NFIB: variants seen among roughly 807,000 people sequenced by gnomAD.
NFIB encodes the protein nuclear factor 1 B-type.
In NFIB, 11 loss-of-function variants were observed where a neutral mutation model predicts 61.5. The ratio of observed to expected loss-of-function variants is 0.18; its 90% confidence interval spans 0.11 to 0.30. NFIB has a LOEUF of 0.30. Ranked by LOEUF, NFIB falls within the 10% of genes least tolerant of loss-of-function variation. The probability of loss-of-function intolerance (pLI) is 1.00; values close to 1 mark genes in which losing one functional copy is unlikely to be tolerated. For synonymous variants in NFIB, 260 were observed against 216.5 expected (o/e 1.20, Z -1.76); for missense variants, 471 against 608.9 (o/e 0.77, Z 2.38).
At chr9:14,145,851 G>A (rs1029082498) in intron 6 of NFIB, among the ~76,000 whole-genome samples, 8 of 151,280 alleles carry the variant, frequency 5.3e-5, no homozygotes, top group African/African-American at 1.9e-4. Flanking sequence ...ATGGGGTCTT[G>A]CCACATTGCC....
chr9:14,448,039 G>T, the NFIB span, among the ~76,000 whole-genome samples: 4 of 152,098 alleles, frequency 2.6e-5, no homozygotes, highest in African/African-American at 9.7e-5. Context: ...AAACTTGACT[G>T]AGAATCAAAA....
chr9:14,194,522 T>C (rs1012582587), intron 2 of NFIB, among the ~76,000 whole-genome samples: 3 of 151,990 alleles, frequency 2.0e-5, no homozygotes, highest in Non-Finnish European at 2.9e-5. Flanking sequence ...CACATACTAT[T>C]TGAAACTTAA....
At chr9:14,228,230 T>C (rs1054301401) in intron 2 of NFIB, among the ~76,000 whole-genome samples, 1 of 149,228 alleles carries the variant, frequency 6.7e-6, no homozygotes, top group Non-Finnish European at 1.5e-5. Context: ...AGGGTCTCAC[T>C]GTCATCCAGG....
At chr9:14,242,237 T>TC (rs1157452510) in intron 2 of NFIB, among the ~76,000 whole-genome samples, 1 of 152,224 alleles carries the variant, frequency 6.6e-6, no homozygotes, top group Admixed American at 6.5e-5. Context: ...ATGTGTTTTT[T>TC]CCCACATATG....
At chr9:14,106,591 T>C (rs976712170) in intron 10 of NFIB, among the ~76,000 whole-genome samples, 4 of 151,980 alleles carry the variant, frequency 2.6e-5, no homozygotes, top group Admixed American at 2.0e-4. Flanking sequence ...AGAAAAAGGA[T>C]AGGGGCCATC....
chr9:14,360,605 C>T (rs1023950508), intron 1 of NFIB, among the ~76,000 whole-genome samples: 20 of 149,496 alleles, frequency 1.3e-4, no homozygotes, highest in Non-Finnish European at 2.1e-4. Flanking sequence ...AGTGCAGTGG[C>T]GCGATCTCGG....
chr9:14,289,122 G>GCATATATATA (rs1440414990), intron 2 of NFIB, among the ~76,000 whole-genome samples: 1 of 139,914 alleles, frequency 7.1e-6, no homozygotes, highest in African/African-American at 2.6e-5. Context: ...GTGTGTATAT[G>GCATATATATA]TATATATATA....
At chr9:14,414,511 A>T in the NFIB span, among the ~76,000 whole-genome samples, 11 of 119,982 alleles carry the variant, frequency 9.2e-5, no homozygotes, top group South Asian at 1.1e-3. Context: ...CACGTTTTGT[A>T]TTTTTTTTTT....
chr9:14,194,013 T>C (rs991058877), intron 2 of NFIB, among the ~76,000 whole-genome samples: 9 of 152,148 alleles, frequency 5.9e-5, no homozygotes, highest in Admixed American at 2.6e-4. Flanking sequence ...TAAAACATTA[T>C]TTTCCTAGTT....
chr9:14,455,315 A>C, the NFIB span, among the ~76,000 whole-genome samples: 1 of 152,212 alleles, frequency 6.6e-6, no homozygotes, highest in Non-Finnish European at 1.5e-5. Context: ...ACTCAAGTTA[A>C]ATATGTGTGA....
chr9:14,160,791 C>A (rs1316124966), intron 3 of NFIB, among the ~76,000 whole-genome samples: 1 of 144,456 alleles, frequency 6.9e-6, no homozygotes. Flanking sequence ...TATAAAGACT[C>A]CCACTGGATA....
chr9:14,247,158 A>G (rs2055030092), intron 2 of NFIB, among the ~76,000 whole-genome samples: 1 of 152,190 alleles, frequency 6.6e-6, no homozygotes. Context: ...TAAGCCACCC[A>G]GTCTATGGTA....
chr9:14,438,348 C>T, the NFIB span, among the ~76,000 whole-genome samples: 1 of 152,198 alleles, frequency 6.6e-6, no homozygotes. Context: ...GTGTGACCAT[C>T]TCAACGCTTC....
Position 14,088,182 on chromosome 9 carries a change from G to C in NFIB, c.*127C>G, listed in dbSNP as rs1400064788. On this transcript the variant is annotated 3_prime_UTR_variant, in exon 11 of 11. Coordinates refer to ENST00000380953, the MANE Select transcript of NFIB (RefSeq NM_001190737.2). ...AAAAAAAATTTCTTAAACTATTGTT[G>C]TGTTTCTTTTTCCCTCAGTTGCTTG... The C allele has an allele frequency of 6.8e-7, 1 of 1,477,554 alleles. No individual in the cohort carries two copies. Among genetic ancestry groups the C allele is most frequent in the Non-Finnish European group, 9.0e-7 (1 of 1,105,468 alleles). 91.5% of individuals were successfully genotyped at this position (1,477,554 alleles called of 1,614,324 possible). A position where few individuals can be genotyped will look rare whatever the true frequency, so the allele number is the denominator to read the frequency against.
chr9:14,168,097 AC>A (rs2045116946), intron 3 of NFIB, among the ~76,000 whole-genome samples: 1 of 152,228 alleles, frequency 6.6e-6, no homozygotes. Context: ...TAAGAGGATC[AC>A]TGTAAGTATC....
chr9:14,241,696 G>A (rs1246475376), intron 2 of NFIB, among the ~76,000 whole-genome samples: 1 of 151,938 alleles, frequency 6.6e-6, no homozygotes, highest in Non-Finnish European at 1.5e-5. Context: ...GCTTCCAAAG[G>A]AATAATATGT....
the NFIB span, among the ~76,000 whole-genome samples, chr9:14,530,825 G>A: frequency 2.0e-5 from 3 of 151,540 alleles, no homozygotes; most frequent in Middle Eastern, 3.2e-3. Flanking sequence ...TGAGAAAAAC[G>A]GCCCTTGTAG....
chr9:14,237,099 CTAAACTGCAAAATTA>C (rs966330263), intron 2 of NFIB, among the ~76,000 whole-genome samples: 4 of 152,132 alleles, frequency 2.6e-5, no homozygotes, highest in Admixed American at 2.6e-4. Flanking sequence ...CCCACACAAA[CTAAACTGCAAAATTA>C]TGAACTGCAT....
chr9:14,506,662 C>T, the NFIB span, among the ~76,000 whole-genome samples: 1 of 152,172 alleles, frequency 6.6e-6, no homozygotes, highest in East Asian at 1.9e-4. Flanking sequence ...TAAATAGCCT[C>T]ACCTTTCCTT....
Sources: gnomAD v4.1 joint callset for allele counts (sites outside exome capture counted in the v4.1 genomes callset) on GRCh38, gnomAD v4.1.1 for gene constraint, MANE v1.5 for transcripts, NCBI Gene and HGNC (gene_info 2026-07-23, HGNC 2026-07-21) for gene names.